Variants in SARDH observed in about 807,000 individuals in gnomAD.
SARDH encodes the protein sarcosine dehydrogenase, mitochondrial.
Under a neutral mutation model 109.1 loss-of-function variants are expected in SARDH, and 95 were observed. The ratio of observed to expected loss-of-function variants is 0.87; its 90% CI spans 0.74 to 1.03. The LOEUF is 1.03. Ranked by LOEUF, SARDH falls within the 50% of genes least tolerant of loss-of-function variation. SARDH has a pLI of 0.00. For synonymous variants in SARDH, 572 were observed against 534.8 expected (o/e 1.07, Z -0.96); for missense variants, 1,267 against 1,287.8 (o/e 0.98, Z 0.25).
chr9:133,708,457 C>T, intron 10 of SARDH, 29 bp from the exon 11 acceptor site: 1 of 1,591,094 alleles, frequency 6.3e-7, no homozygotes, highest in East Asian at 2.3e-5. Flanking sequence ...CGGGTCACTG[C>T]TTTGGGGATG....
intron 6 of SARDH, among the ~76,000 whole-genome samples, chr9:133,729,445 G>A (rs1015900978): frequency 6.6e-5 from 10 of 152,156 alleles, no homozygotes; most frequent in African/African-American, 2.4e-4. Flanking sequence ...CGAAACTCCT[G>A]GGCACAGAAC....
At chr9:133,660,133 T>TC (rs527802050), downstream of SARDH, among the ~76,000 whole-genome samples, 163 of 141,924 alleles carry the variant, frequency 1.1e-3, no homozygotes, top group Admixed American at 2.3e-3. Flanking sequence ...AGCAGCCGTG[T>TC]CCCCCCTACC....
In SARDH at chr9:133,670,111, G is replaced by A. The variant is rs183399905; in HGVS notation, c.2495+473C>T. On this transcript the variant is annotated intron_variant, in intron 19 of 20. Transcript: ENST00000439388. ...TGGGAGGCCGAGGCAGGCAGATCAC[G>A]AGGTCAGGAGAGTTCAAGACCAGCC... Among the ~76,000 whole-genome samples the A allele has an allele frequency of 7.4e-4, 112 of 152,194 alleles. 1 individual carries two copies. Among genetic ancestry groups the A allele is most frequent in the African/African-American group, 2.6e-3 (107 of 41,536 alleles).
intron 6 of SARDH, among the ~76,000 whole-genome samples, chr9:133,719,411 C>T (rs575449236): frequency 8.5e-5 from 13 of 152,194 alleles, no homozygotes; most frequent in South Asian, 2.1e-4. Flanking sequence ...CCCTGGAGGA[C>T]GCAGAGTGGA....
chr9:133,694,611 G>T (rs554950937), intron 14 of SARDH, among the ~76,000 whole-genome samples: 1 of 152,206 alleles, frequency 6.6e-6, no homozygotes, highest in African/African-American at 2.4e-5. Flanking sequence ...TCACCCTTGC[G>T]GGAAGGAAGC....
At chr9:133,726,043 G>A (rs1475654560) in intron 6 of SARDH, among the ~76,000 whole-genome samples, 1 of 152,086 alleles carries the variant, frequency 6.6e-6, no homozygotes, top group Non-Finnish European at 1.5e-5. Flanking sequence ...TCGTTGTCAG[G>A]TGGCACATAG....
At chr9:133,681,641 G>A (rs1300421305) in intron 17 of SARDH, among the ~76,000 whole-genome samples, 10 of 152,302 alleles carry the variant, frequency 6.6e-5, no homozygotes, top group South Asian at 2.1e-4. Flanking sequence ...TCTCTCGAGC[G>A]CTAGTGAGGG....
chr9:133,718,735 G>A lies in SARDH; in HGVS notation c.1020+203C>T, dbSNP rs767678537. The A allele has an allele frequency of 2.6e-6, 2 of 780,052 alleles. No homozygotes were observed. Among genetic ancestry groups the A allele is most frequent in the Admixed American group, 3.4e-5 (2 of 59,044 alleles). 48.3% of individuals were successfully genotyped at this position (780,052 alleles called of 1,614,324 possible). ...TGTTTTGAGGCAAAGCCCTCCAGCT[G>A]CCCTGGGTCTGTATTTGACTGCCTG... On this transcript the variant is annotated intron_variant, in intron 7 of 20. Transcript: ENST00000439388. The surrounding 1 kb of genome is among the most constrained non-coding windows in gnomAD (Gnocchi z 4.2).
intron 17 of SARDH, among the ~76,000 whole-genome samples, chr9:133,679,726 G>A (rs565097989): frequency 3.9e-5 from 6 of 152,352 alleles, no homozygotes; most frequent in South Asian, 2.1e-4. Flanking sequence ...TCCAGGGATC[G>A]TGGCAGCCTG....
chr9:133,697,871 C>T (rs578049850), intron 13 of SARDH, among the ~76,000 whole-genome samples: 2 of 152,084 alleles, frequency 1.3e-5, no homozygotes, highest in Admixed American at 1.3e-4. Flanking sequence ...CTCTATTCAA[C>T]ATTGCACTGG....
In SARDH at chr9:133,686,309, A is replaced by G. The variant is rs1384409725; in HGVS notation, c.2070-1023T>C. On this transcript the variant is annotated intron_variant, in intron 16 of 20. Coordinates refer to ENST00000439388, the MANE Select transcript of SARDH (RefSeq NM_001134707.2). This position sits in a 1 kb window ranked among gnomAD's most constrained non-coding sequence, Gnocchi z 4.0. ...CCCAGGAAGCCCTCACCTCCTGGGC[A>G]CCGTGCCCACCTCCAGGCCTAGCCC... 1.3e-5 allele frequency among the ~76,000 whole-genome samples: 2 copies of G among 152,012 alleles called. No individual in the cohort carries two copies. Among genetic ancestry groups the G allele is most frequent in the Non-Finnish European group, 2.9e-5 (2 of 67,978 alleles).
rs185710296 is a variant in SARDH, at chr9:133,719,999, T to G, written c.916-957A>C. ...GGTGGCGGGCGCCTGTAGTCCCAGC[T>G]ATTCGGGAGGCTGAGGCAGGAGAAT... On this transcript the variant is annotated intron_variant, in intron 6 of 20. Coordinates refer to ENST00000439388, the MANE Select transcript of SARDH (RefSeq NM_001134707.2). 1.8e-3 allele frequency among the ~76,000 whole-genome samples: 276 copies of G among 152,134 alleles called. 1 individual carries two copies. The highest frequency in any genetic ancestry group is 6.2e-3 in the African/African-American group (256 of 41,476).
At chr9:133,670,150 G>A (rs1830286799) in intron 19 of SARDH, among the ~76,000 whole-genome samples, 1 of 152,118 alleles carries the variant, frequency 6.6e-6, no homozygotes, top group African/African-American at 2.4e-5. Flanking sequence ...CCAACATGGT[G>A]AAACCCCATC....
chr9:133,666,658 G>GGTGCAGAGT lies in SARDH; in HGVS notation c.2631+76_2631+77insACTCTGCAC. 6.5e-7 allele frequency: 1 copy of GGTGCAGAGT among 1,529,220 alleles called. No individual in the cohort carries two copies. The highest frequency in any genetic ancestry group is 1.2e-5 in the South Asian group (1 of 82,800). 94.7% of individuals were successfully genotyped at this position (1,529,220 alleles called of 1,614,324 possible). ...TCCTCCCTATGCCCGGCACACTCAGGGTGCAGTGCAGGGAGCTGGTTTGGA... is the reference window on the plus strand; with the variant it reads ...TCCTCCCTATGCCCGGCACACTCAGGGTGCAGAGTGTGCAGTGCAGGGAGCTGGTTTGGA... On this transcript the variant is annotated intron_variant, in intron 20 of 20. Coordinates refer to ENST00000439388, the MANE Select transcript of SARDH (RefSeq NM_001134707.2). The surrounding 1 kb of genome is among the most constrained non-coding windows in gnomAD (Gnocchi z 5.2).
chr9:133,700,965 G>A (rs1436372173), intron 13 of SARDH, among the ~76,000 whole-genome samples: 2 of 152,198 alleles, frequency 1.3e-5, no homozygotes, highest in East Asian at 1.9e-4. Flanking sequence ...AACAGCTGCC[G>A]TGTGTCGGGA....
rs774864288 is a variant in SARDH, at chr9:133,731,479, G to C, written c.516C>G (p.Gly172=). ...CATGGGATTCCACACCATACGCCTT[G>C]CCCAGCTAGGGGGACCCAGGGGAGG... is the stretch of plus-strand genomic sequence containing the variant. ...LDEYKRLMSL[G]KAYGVESHVL... Residue 172 remains glycine, a synonymous_variant, in exon 4 of 21, where the codon GGC becomes GGG. Transcript: ENST00000439388. 6.2e-7 allele frequency: 1 copy of C among 1,614,084 alleles called. No homozygotes were observed. Among genetic ancestry groups the C allele is most frequent in the Non-Finnish European group, 8.5e-7 (1 of 1,179,956 alleles).
At chr9:133,661,560 C>T (rs1365101799), downstream of SARDH, among the ~76,000 whole-genome samples, 1 of 151,920 alleles carries the variant, frequency 6.6e-6, no homozygotes, top group East Asian at 2.0e-4. Flanking sequence ...CGGCTCACCA[C>T]AACCTCCGCT....
intron 6 of SARDH, among the ~76,000 whole-genome samples, chr9:133,720,604 A>G (rs554947440): frequency 1.3e-5 from 2 of 152,336 alleles, no homozygotes; most frequent in South Asian, 4.1e-4. Context: ...TCATGGTGGA[A>G]GGCAAATGAG....
chr9:133,668,292 T>TCC (rs1254472421), intron 19 of SARDH, among the ~76,000 whole-genome samples: 3 of 112,582 alleles, frequency 2.7e-5, no homozygotes, highest in African/African-American at 1.1e-4. Context: ...TCCCTCCCTC[T>TCC]CCCTCCCTCT....
Sources: allele counts gnomAD v4.1 joint callset (sites outside exome capture counted in the v4.1 genomes callset), GRCh38; gene constraint gnomAD v4.1.1; non-coding constraint Gnocchi (gnomAD v3.1); transcripts MANE v1.5; gene names NCBI Gene and HGNC (gene_info 2026-07-23, HGNC 2026-07-21).